The following SLC25A13 variants were observed in gnomAD, a reference collection of about 807,000 sequenced individuals.
The protein encoded by SLC25A13 is electrogenic aspartate/glutamate antiporter SLC25A13, mitochondrial.
Under a neutral mutation model 85.5 loss-of-function variants are expected in SLC25A13, and 70 were observed. The ratio of observed to expected loss-of-function variants is 0.82; its 90% CI spans 0.68 to 1.00. The LOEUF (loss-of-function observed/expected upper bound fraction) is 1.00, where lower values mean the gene tolerates loss of function less well. SLC25A13 is among the 50% of genes least tolerant of loss of function. SLC25A13 has a pLI of 0.00. For missense variants in SLC25A13, 765 were observed against 819.8 expected (o/e 0.93, Z 0.82); for synonymous variants, 259 against 288.7 (o/e 0.90, Z 1.04).
intron 5 of SLC25A13, among the ~76,000 whole-genome samples, chr7:96,194,004 G>A (rs1285975568): frequency 6.6e-6 from 1 of 152,138 alleles, no homozygotes; most frequent in Non-Finnish European, 1.5e-5. Context: ...AAAGAAAACA[G>A]CCTCCCATCA....
chr7:96,271,490 A>C (rs1399670527), intron 3 of SLC25A13, among the ~76,000 whole-genome samples: 34 of 152,216 alleles, frequency 2.2e-4, no homozygotes, highest in Admixed American at 2.2e-3. Flanking sequence ...ACAAAATCTA[A>C]AAGAAAATGT....
intron 2 of SLC25A13, among the ~76,000 whole-genome samples, chr7:96,296,218 A>G (rs533731660): frequency 6.6e-6 from 1 of 152,232 alleles, no homozygotes; most frequent in South Asian, 2.1e-4. Context: ...GAGAGACAGT[A>G]TAGTCCCATG....
intron 3 of SLC25A13, among the ~76,000 whole-genome samples, chr7:96,266,983 C>T (rs974998663): frequency 6.6e-6 from 1 of 152,164 alleles, no homozygotes; most frequent in East Asian, 1.9e-4. Flanking sequence ...CGAAGAGATG[C>T]TTTCGCCAAA....
chr7:96,143,112 G>GCTTCACTGAC (rs1385427559), intron 14 of SLC25A13, among the ~76,000 whole-genome samples: 3 of 152,170 alleles, frequency 2.0e-5, no homozygotes, highest in Non-Finnish European at 4.4e-5. Context: ...AGCTGTCATT[G>GCTTCACTGAC]CTTCACTGAC....
intron 3 of SLC25A13, among the ~76,000 whole-genome samples, chr7:96,249,431 A>G (rs1422060694): frequency 6.6e-6 from 1 of 152,250 alleles, no homozygotes; most frequent in Non-Finnish European, 1.5e-5. Context: ...ACCTGTGAAT[A>G]TAGATTTTCT....
intron 4 of SLC25A13, among the ~76,000 whole-genome samples, chr7:96,221,200 C>T (rs987301055): frequency 6.6e-6 from 1 of 152,166 alleles, no homozygotes; most frequent in African/African-American, 2.4e-5. Context: ...GGAACAGTTT[C>T]TGGACAGTCT....
intron 5 of SLC25A13, among the ~76,000 whole-genome samples, chr7:96,196,781 C>T (rs557365487): frequency 6.6e-6 from 1 of 152,280 alleles, no homozygotes; most frequent in South Asian, 2.1e-4. Flanking sequence ...GGCTCTCCAA[C>T]TTTAAAAGCA....
Position 96,291,179 on chromosome 7 carries a change from A to T in SLC25A13, c.69+5719T>A, listed in dbSNP as rs1475049880. Among the ~76,000 whole-genome samples, 5 of 152,230 alleles carry T rather than the reference A, an allele frequency of 3.3e-5. No individual in the cohort carries two copies. In the East Asian group the frequency reaches 9.6e-4, roughly 29 times the overall value. Reference sequence around the variant, plus strand: ...CTGAACAACCTGCTCCTGAATGACTACTGGGTACATAACGAAATGAAGTCG... The same window carrying T: ...CTGAACAACCTGCTCCTGAATGACTTCTGGGTACATAACGAAATGAAGTCG... On this transcript the variant is annotated intron_variant, in intron 2 of 17. Coordinates refer to ENST00000265631, the MANE Select transcript of SLC25A13 (RefSeq NM_014251.3).
At chr7:96,295,501 G>C (rs1004310122) in intron 2 of SLC25A13, among the ~76,000 whole-genome samples, 1 of 152,116 alleles carries the variant, frequency 6.6e-6, no homozygotes, top group Non-Finnish European at 1.5e-5. Flanking sequence ...TTATTTAAAA[G>C]CAAATCTCAG....
chr7:96,251,508 G>A (rs1797426942), intron 3 of SLC25A13, among the ~76,000 whole-genome samples: 2 of 152,152 alleles, frequency 1.3e-5, no homozygotes, highest in South Asian at 4.1e-4. Flanking sequence ...GTCTGGTTAT[G>A]GAGTAACATC....
At position 96,200,991 on chromosome 7, in the gene SLC25A13, T is replaced by C. The variant is rs577892655; in HGVS notation, c.469-7808A>G. 1.7e-4 allele frequency among the ~76,000 whole-genome samples: 26 copies of C among 152,310 alleles called. No individual in the cohort carries two copies. In the South Asian group the frequency reaches 4.8e-3, roughly 28 times the overall value. On this transcript the variant is annotated intron_variant, in intron 5 of 17. Transcript: ENST00000265631. Reference sequence around the variant, plus strand: ...TAGTTACTCATCACCAAACTAGCAATGGCTTCCATTTGGACACAAAACAGA... The same window carrying C: ...TAGTTACTCATCACCAAACTAGCAACGGCTTCCATTTGGACACAAAACAGA...
At chr7:96,145,341 C>T (rs997104834) in intron 14 of SLC25A13, among the ~76,000 whole-genome samples, 2 of 152,118 alleles carry the variant, frequency 1.3e-5, no homozygotes, top group African/African-American at 2.4e-5. Context: ...AAGGGAGATT[C>T]TCCTGAGACA....
At chr7:96,280,689 T>C (rs1798643702) in intron 2 of SLC25A13, among the ~76,000 whole-genome samples, 1 of 152,160 alleles carries the variant, frequency 6.6e-6, no homozygotes, top group Non-Finnish European at 1.5e-5. Flanking sequence ...TACTCCAGCC[T>C]GGGCAACAAA....
chr7:96,152,593 T>C (rs1793094042), intron 13 of SLC25A13, among the ~76,000 whole-genome samples: 1 of 152,000 alleles, frequency 6.6e-6, no homozygotes, highest in South Asian at 2.1e-4. Flanking sequence ...AGACGAATAA[T>C]GACACATTCA....
intron 3 of SLC25A13, among the ~76,000 whole-genome samples, chr7:96,275,775 T>TA (rs1798424737): frequency 6.6e-6 from 1 of 152,076 alleles, no homozygotes; most frequent in African/African-American, 2.4e-5. Context: ...TTAGGAGATA[T>TA]ACCTAATGTT....
chr7:96,234,401 G>A (rs941074932), intron 4 of SLC25A13, among the ~76,000 whole-genome samples: 4 of 152,124 alleles, frequency 2.6e-5, no homozygotes, highest in South Asian at 2.1e-4. Context: ...TGGGAACAAC[G>A]TGAAGACAAG....
intron 3 of SLC25A13, among the ~76,000 whole-genome samples, chr7:96,272,176 C>T (rs913847578): frequency 2.0e-5 from 3 of 152,212 alleles, no homozygotes; most frequent in Non-Finnish European, 4.4e-5. Flanking sequence ...GCGTAAGCCA[C>T]CACGCTCAGC....
chr7:96,187,806 T>A (rs1404327404), intron 9 of SLC25A13, among the ~76,000 whole-genome samples: 2 of 152,234 alleles, frequency 1.3e-5, no homozygotes, highest in Non-Finnish European at 2.9e-5. Flanking sequence ...CAGGCAGCGC[T>A]GTGCCCACAG....
At chr7:96,154,068 T>C (rs1356587658) in intron 13 of SLC25A13, among the ~76,000 whole-genome samples, 1 of 152,138 alleles carries the variant, frequency 6.6e-6, no homozygotes, top group African/African-American at 2.4e-5. Flanking sequence ...TATAACTTTT[T>C]CCTAAGTTAA....
Sources: allele counts gnomAD v4.1 joint callset (sites outside exome capture counted in the v4.1 genomes callset), GRCh38; gene constraint gnomAD v4.1.1; transcripts MANE v1.5; gene names NCBI Gene and HGNC (gene_info 2026-07-23, HGNC 2026-07-21).